Variants in UBE2G1 observed in about 807,000 individuals in gnomAD.
The protein encoded by UBE2G1 is ubiquitin conjugating enzyme E2 G1, also known as ubiquitin-conjugating enzyme E2 G1.
Under a neutral mutation model 22.7 loss-of-function variants are expected in UBE2G1, and 5 were observed. The observed-to-expected ratio is 0.22, with a 90% CI of 0.12 to 0.46. The LOEUF is 0.46. UBE2G1 is among the 20% of genes least tolerant of loss of function. The pLI is 0.99. For synonymous variants in UBE2G1, 74 were observed against 67.5 expected, an observed-to-expected ratio of 1.10 and a Z score of -0.47; for missense variants, 88 against 203.9, an observed-to-expected ratio of 0.43 and a Z score of 3.46.
intron 5 of UBE2G1, among the ~76,000 whole-genome samples, chr17:4,282,596 A>G (rs537628494): frequency 3.9e-5 from 6 of 152,366 alleles, no homozygotes; most frequent in Non-Finnish European, 7.3e-5. Flanking sequence ...TGAATGCAGA[A>G]TATCTAGTCA....
At chr17:4,287,379 G>C (rs1005358516) in intron 4 of UBE2G1, among the ~76,000 whole-genome samples, 1 of 152,044 alleles carries the variant, frequency 6.6e-6, no homozygotes. Context: ...TGGGATTACA[G>C]GTGTGAGCCA....
At chr17:4,339,075 T>C (rs1357250802) in intron 1 of UBE2G1, among the ~76,000 whole-genome samples, 3 of 152,176 alleles carry the variant, frequency 2.0e-5, no homozygotes, top group African/African-American at 2.4e-5. Context: ...GGAATGTATA[T>C]TACATTTTAT....
At chr17:4,352,385 G>A (rs908344216) in intron 1 of UBE2G1, among the ~76,000 whole-genome samples, 1 of 152,150 alleles carries the variant, frequency 6.6e-6, no homozygotes, top group Non-Finnish European at 1.5e-5. Flanking sequence ...GTGAGCCACT[G>A]CACCAGGCCT....
chr17:4,319,140 A>G (rs1394018938), intron 1 of UBE2G1, among the ~76,000 whole-genome samples: 2 of 152,222 alleles, frequency 1.3e-5, no homozygotes, highest in East Asian at 3.8e-4. Flanking sequence ...TGAAGAGATC[A>G]GAATATTAAA....
chr17:4,308,553 T>C (rs1259354187), intron 1 of UBE2G1, among the ~76,000 whole-genome samples: 2 of 152,052 alleles, frequency 1.3e-5, no homozygotes. Flanking sequence ...CACACACAAT[T>C]TAATAAGTAC....
At chr17:4,286,137 G>A (rs1362921826) in intron 4 of UBE2G1, among the ~76,000 whole-genome samples, 2 of 152,248 alleles carry the variant, frequency 1.3e-5, no homozygotes, top group South Asian at 2.1e-4. Context: ...GGGCCGGGTG[G>A]CTCACACCTG....
intron 1 of UBE2G1, among the ~76,000 whole-genome samples, chr17:4,318,233 C>T (rs1969399283): frequency 6.6e-6 from 1 of 152,164 alleles, no homozygotes; most frequent in Admixed American, 6.5e-5. Flanking sequence ...AATTAGGCTA[C>T]AGGACATAAA....
chr17:4,289,672 G>A (rs1969010687), intron 3 of UBE2G1, among the ~76,000 whole-genome samples: 1 of 152,176 alleles, frequency 6.6e-6, no homozygotes, highest in Non-Finnish European at 1.5e-5. Context: ...TATCTAGCAC[G>A]TAGATGGTGC....
chr17:4,304,305 G>A (rs561532566), intron 2 of UBE2G1, among the ~76,000 whole-genome samples: 5 of 151,990 alleles, frequency 3.3e-5, no homozygotes, highest in Non-Finnish European at 5.9e-5. Flanking sequence ...CTAAACTTCC[G>A]TACTACAAAC....
intron 2 of UBE2G1, among the ~76,000 whole-genome samples, chr17:4,299,934 C>T (rs1473093298): frequency 2.0e-5 from 3 of 150,082 alleles, no homozygotes; most frequent in Non-Finnish European, 4.4e-5. Flanking sequence ...TGAAGAGATT[C>T]TCCTGCCTCA....
At chr17:4,335,505 A>ATCTT (rs1331790106) in intron 1 of UBE2G1, among the ~76,000 whole-genome samples, 2 of 152,254 alleles carry the variant, frequency 1.3e-5, no homozygotes, top group Non-Finnish European at 1.5e-5. Context: ...ATTTTTGAAC[A>ATCTT]TAAGAGCACT....
chr17:4,366,599 C>G lies in UBE2G1; in HGVS notation c.-283G>C, dbSNP rs965650068. 41 of 341,866 alleles carry G rather than the reference C, an allele frequency of 1.2e-4. No homozygotes were observed. The Admixed American group carries it at 1.5e-3, about 12-fold the overall frequency. The allele number at this position is 341,866 out of a possible 1,614,324, so 21.2% of individuals were successfully genotyped here. A position where few individuals can be genotyped will look rare whatever the true frequency, so the allele number is the denominator to read the frequency against. On this transcript the variant is annotated 5_prime_UTR_variant, in exon 1 of 6. Coordinates refer to ENST00000396981, the MANE Select transcript of UBE2G1 (RefSeq NM_003342.5). ...CGCCCGCTTCCCTCCTTCAACCCGC[C>G]CGTCGGCCCCACCGGTGCCTTCCCC...
chr17:4,299,827 GTT>G (rs34357475), intron 2 of UBE2G1, among the ~76,000 whole-genome samples: 82 of 116,542 alleles, frequency 7.0e-4, no homozygotes, highest in Middle Eastern at 4.0e-3. Flanking sequence ...CCTTTTTTTA[GTT>G]TTTTTTTTTT....
At chr17:4,284,400 A>C (rs1968933682) in intron 4 of UBE2G1, among the ~76,000 whole-genome samples, 1 of 152,022 alleles carries the variant, frequency 6.6e-6, no homozygotes, top group South Asian at 2.1e-4. Flanking sequence ...AGAGTTTAAG[A>C]CCAGACTGGC....
intron 1 of UBE2G1, among the ~76,000 whole-genome samples, chr17:4,357,512 G>GGC (rs1344095565): frequency 3.6e-5 from 3 of 84,076 alleles, no homozygotes; most frequent in African/African-American, 1.3e-4. Flanking sequence ...TGTGTGTGGG[G>GGC]GGGGGGGGTG....
At chr17:4,313,006 C>T (rs577825667) in intron 1 of UBE2G1, among the ~76,000 whole-genome samples, 1 of 152,042 alleles carries the variant, frequency 6.6e-6, no homozygotes, top group Non-Finnish European at 1.5e-5. Flanking sequence ...GTAGTAGTCA[C>T]GGGTAAATGA....
intron 5 of UBE2G1, among the ~76,000 whole-genome samples, chr17:4,278,479 C>A (rs1968847018): frequency 6.6e-6 from 1 of 152,112 alleles, no homozygotes; most frequent in African/African-American, 2.4e-5. Flanking sequence ...CGAAATTCTA[C>A]CAATTTGTGT....
intron 2 of UBE2G1, among the ~76,000 whole-genome samples, chr17:4,305,805 G>A (rs1273819214): frequency 6.6e-6 from 1 of 152,194 alleles, no homozygotes; most frequent in African/African-American, 2.4e-5. Context: ...GCCTCCCAAA[G>A]TGCTGGGATT....
intron 4 of UBE2G1, among the ~76,000 whole-genome samples, chr17:4,284,409 G>T (rs1354197734): frequency 6.6e-6 from 1 of 151,900 alleles, no homozygotes; most frequent in African/African-American, 2.4e-5. Flanking sequence ...GACCAGACTG[G>T]CCAACATGGT....
Sources: gnomAD v4.1 joint callset for allele counts (sites outside exome capture counted in the v4.1 genomes callset) on GRCh38, gnomAD v4.1.1 for gene constraint, MANE v1.5 for transcripts, NCBI Gene and HGNC (gene_info 2026-07-23, HGNC 2026-07-21) for gene names.